FSTL4: variants seen among roughly 807,000 people sequenced by gnomAD.
The protein encoded by FSTL4 is follistatin like 4.
A neutral mutation model predicts 78.2 loss-of-function variants in FSTL4; 28 were observed. That is an observed-to-expected ratio of 0.36 (90% confidence interval 0.27 to 0.49). The LOEUF (loss-of-function observed/expected upper bound fraction) is 0.49, where lower values mean the gene tolerates loss of function less well. Ranked by LOEUF, FSTL4 falls within the 20% of genes least tolerant of loss-of-function variation. FSTL4 has a pLI of 0.98. For missense variants in FSTL4, 922 were observed against 1,084.9 expected (o/e 0.85, Z 2.11); for synonymous variants, 422 against 440.5 (o/e 0.96, Z 0.53).
intron 4 of FSTL4, among the ~76,000 whole-genome samples, chr5:133,375,955 G>A (rs955326787): frequency 5.9e-5 from 9 of 152,168 alleles, no homozygotes; most frequent in Non-Finnish European, 1.2e-4. Flanking sequence ...CTATGTTTAC[G>A]GATGGAAAGC....
chr5:133,303,833 C>T (rs893186012), intron 6 of FSTL4, among the ~76,000 whole-genome samples: 1 of 152,192 alleles, frequency 6.6e-6, no homozygotes, highest in African/African-American at 2.4e-5. Context: ...GGTGGGTCTT[C>T]TCTACACCTC....
chr5:133,443,407 G>A (rs1191664806), intron 3 of FSTL4, among the ~76,000 whole-genome samples: 1 of 152,232 alleles, frequency 6.6e-6, no homozygotes, highest in Non-Finnish European at 1.5e-5. Flanking sequence ...TCTAGTGTTG[G>A]CGCAACTCAT....
At chr5:133,241,250 A>G (rs1751864462) in intron 7 of FSTL4, among the ~76,000 whole-genome samples, 1 of 152,176 alleles carries the variant, frequency 6.6e-6, no homozygotes, top group African/African-American at 2.4e-5. Context: ...ACTTACAATG[A>G]GTTCTGTTTT....
intron 3 of FSTL4, among the ~76,000 whole-genome samples, chr5:133,507,514 C>T (rs1758633021): frequency 2.7e-5 from 4 of 148,400 alleles, no homozygotes; most frequent in South Asian, 2.1e-4. Flanking sequence ...ACAACGGAGA[C>T]TTGAAAGCAT....
intron 1 of FSTL4, among the ~76,000 whole-genome samples, chr5:133,605,436 T>C (rs886828691): frequency 6.6e-6 from 1 of 152,224 alleles, no homozygotes; most frequent in Non-Finnish European, 1.5e-5. Context: ...CTCACTGCCA[T>C]AGGCAACAGC....
At chr5:133,771,168 C>A in the FSTL4 span, among the ~76,000 whole-genome samples, 2 of 151,950 alleles carry the variant, frequency 1.3e-5, no homozygotes, top group East Asian at 3.8e-4. Context: ...TTGCCTTCAG[C>A]TTTGTTCTTT....
upstream of FSTL4, among the ~76,000 whole-genome samples, chr5:133,613,152 C>A (rs1761139826): frequency 6.6e-6 from 1 of 152,222 alleles, no homozygotes. Context: ...CATCCTGATC[C>A]CATCCCCAAG....
chr5:133,270,536 C>A (rs947386479), intron 6 of FSTL4, among the ~76,000 whole-genome samples: 2 of 152,190 alleles, frequency 1.3e-5, no homozygotes, highest in Non-Finnish European at 2.9e-5. Context: ...ACATTCCGGA[C>A]TAAATTTGAT....
intron 7 of FSTL4, among the ~76,000 whole-genome samples, chr5:133,235,720 GCT>G (rs1751640608): frequency 6.6e-6 from 1 of 152,126 alleles, no homozygotes; most frequent in South Asian, 2.1e-4. Flanking sequence ...GTGAAACACT[GCT>G]CTGCTTCAAA....
chr5:133,808,718 G>A, the FSTL4 span, among the ~76,000 whole-genome samples: 2 of 152,010 alleles, frequency 1.3e-5, no homozygotes, highest in Non-Finnish European at 2.9e-5. Flanking sequence ...GAGGACATCC[G>A]GGAACAAGCC....
chr5:133,452,880 T>C (rs1457758840), intron 3 of FSTL4, among the ~76,000 whole-genome samples: 1 of 152,250 alleles, frequency 6.6e-6, no homozygotes, highest in Non-Finnish European at 1.5e-5. Flanking sequence ...TGACAGTTCT[T>C]TATTGCAGGC....
At chr5:133,295,795 C>G (rs978651455) in intron 6 of FSTL4, among the ~76,000 whole-genome samples, 6 of 152,206 alleles carry the variant, frequency 3.9e-5, no homozygotes, top group African/African-American at 1.4e-4. Context: ...TCCCACCACT[C>G]TGGCATCTTC....
chr5:133,419,207 A>G (rs923709554), intron 3 of FSTL4, among the ~76,000 whole-genome samples: 4 of 152,038 alleles, frequency 2.6e-5, no homozygotes, highest in South Asian at 4.2e-4. Context: ...GCTCACTGCA[A>G]CCTCCCAGTT....
the FSTL4 span, among the ~76,000 whole-genome samples, chr5:133,748,901 A>G: frequency 6.6e-6 from 1 of 152,244 alleles, no homozygotes; most frequent in African/African-American, 2.4e-5. Flanking sequence ...CAGCTCTCTC[A>G]TAACAGTCAG....
intron 3 of FSTL4, among the ~76,000 whole-genome samples, chr5:133,461,822 C>G (rs1363326573): frequency 6.6e-6 from 1 of 152,152 alleles, no homozygotes; most frequent in Non-Finnish European, 1.5e-5. Flanking sequence ...GAACTTTACT[C>G]CCCCAACACA....
At chr5:133,368,091 C>A (rs1226623447) in intron 4 of FSTL4, among the ~76,000 whole-genome samples, 1 of 152,236 alleles carries the variant, frequency 6.6e-6, no homozygotes, top group Admixed American at 6.5e-5. Flanking sequence ...GATTGCTAAG[C>A]CCTTGGACTG....
intron 15 of FSTL4, 133 bp downstream of exon 15, chr5:133,201,800 G>A (rs115912018): frequency 1.2e-5 from 7 of 566,700 alleles, no homozygotes; most frequent in East Asian, 1.1e-4. Context: ...CTGTTCCTTC[G>A]TGATGGGGTC....
At chr5:133,463,577 A>G (rs1757637993) in intron 3 of FSTL4, among the ~76,000 whole-genome samples, 1 of 151,980 alleles carries the variant, frequency 6.6e-6, no homozygotes, top group Admixed American at 6.6e-5. Context: ...AAGGCAGGGG[A>G]AATGGTCTGT....
At chr5:133,492,963 TCTCTTCAG>T (rs1758296926) in intron 3 of FSTL4, among the ~76,000 whole-genome samples, 1 of 152,128 alleles carries the variant, frequency 6.6e-6, no homozygotes, top group Non-Finnish European at 1.5e-5. Context: ...TCAACAATTC[TCTCTTCAG>T]CTGTACCTAA....
Sources: gnomAD v4.1 joint callset for allele counts (sites outside exome capture counted in the v4.1 genomes callset) on GRCh38, gnomAD v4.1.1 for gene constraint, MANE v1.5 for transcripts, NCBI Gene and HGNC (gene_info 2026-07-23, HGNC 2026-07-21) for gene names.